The following PRTG variants were observed in gnomAD, a reference collection of about 807,000 sequenced individuals.
PRTG encodes protogenin, also known as immunoglobulin superfamily, DCC subclass, member 5.
PRTG carries 67 observed loss-of-function variants against 122.5 expected under a neutral mutation model. That is an observed-to-expected ratio of 0.55 (90% CI 0.45 to 0.67). The LOEUF is 0.67. PRTG is among the 30% of genes least tolerant of loss of function. The probability of loss-of-function intolerance (pLI) is 0.00; values close to 1 mark genes in which losing one functional copy is unlikely to be tolerated. For missense variants in PRTG, 1,435 were observed against 1,415.4 expected (o/e 1.01, Z -0.22); for synonymous variants, 554 against 501.1 (o/e 1.11, Z -1.41).
At chr15:55,691,093 G>A (rs887791909) in intron 2 of PRTG, among the ~76,000 whole-genome samples, 2 of 151,970 alleles carry the variant, frequency 1.3e-5, no homozygotes, top group Admixed American at 1.3e-4. Context: ...TCAGGAGTTC[G>A]AGACCAACCT....
intron 2 of PRTG, among the ~76,000 whole-genome samples, chr15:55,712,760 G>C (rs1221048688): frequency 2.6e-5 from 4 of 152,096 alleles, no homozygotes; most frequent in Admixed American, 2.6e-4. Context: ...TTATTTTCAA[G>C]ATTTGGGAGA....
intron 18 of PRTG, among the ~76,000 whole-genome samples, chr15:55,622,560 TTTTTA>T (rs1233281529): frequency 9.3e-5 from 1 of 10,728 alleles, no homozygotes; most frequent in African/African-American, 1.2e-4. Context: ...ATTTTTTTTT[TTTTTA>T]AATTTTTAGT....
chr15:55,684,628 T>A (rs371014229), intron 2 of PRTG, among the ~76,000 whole-genome samples: 3 of 152,210 alleles, frequency 2.0e-5, no homozygotes, highest in African/African-American at 7.2e-5. Flanking sequence ...CTAATCAGGA[T>A]GGATAGAATA....
intron 1 of PRTG, 119 bp downstream of exon 1, chr15:55,742,719 G>T: frequency 8.1e-7 from 1 of 1,241,956 alleles, no homozygotes; most frequent in Non-Finnish European, 1.1e-6. Flanking sequence ...GGGGGTCAGC[G>T]CCACCACGGA....
chr15:55,646,913 C>T (rs755314836), intron 11 of PRTG, among the ~76,000 whole-genome samples: 13 of 152,276 alleles, frequency 8.5e-5, no homozygotes, highest in Non-Finnish European at 1.5e-4. Flanking sequence ...TCCATCTTCT[C>T]CCTGCTGTCC....
At chr15:55,728,554 CT>C (rs2031120235) in intron 2 of PRTG, among the ~76,000 whole-genome samples, 1 of 152,056 alleles carries the variant, frequency 6.6e-6, no homozygotes. Flanking sequence ...TCCAATACAC[CT>C]TCATAATATA....
chr15:55,656,347 G>T (rs957539921), intron 11 of PRTG: 1 of 455,554 alleles, frequency 2.2e-6, no homozygotes, highest in Non-Finnish European at 4.4e-6. Context: ...TTCATTATTA[G>T]ATTCGGGCTA....
At chr15:55,652,897 C>T (rs1240781535) in intron 11 of PRTG, among the ~76,000 whole-genome samples, 1 of 151,460 alleles carries the variant, frequency 6.6e-6, no homozygotes, top group Admixed American at 6.6e-5. Context: ...GAATGGAAAA[C>T]GTTAATTCAT....
intron 8 of PRTG, among the ~76,000 whole-genome samples, chr15:55,676,271 AGTT>A: frequency 7.0e-6 from 1 of 142,408 alleles, no homozygotes; most frequent in Non-Finnish European, 1.5e-5. Flanking sequence ...TCCCACAGTG[AGTT>A]TTTTTTTTTA....
chr15:55,713,433 G>C (rs996544171), intron 2 of PRTG, among the ~76,000 whole-genome samples: 3 of 152,148 alleles, frequency 2.0e-5, no homozygotes, highest in Admixed American at 2.0e-4. Flanking sequence ...ATTCTTATAT[G>C]CATCTGCTTA....
At chr15:55,716,370 G>A (rs1370658162) in intron 2 of PRTG, among the ~76,000 whole-genome samples, 1 of 152,046 alleles carries the variant, frequency 6.6e-6, no homozygotes, top group Non-Finnish European at 1.5e-5. Flanking sequence ...ACAATCCATG[G>A]GCTGAAGAAT....
chr15:55,742,182 G>C (rs1370775038), intron 1 of PRTG: 1 of 152,246 alleles, frequency 6.6e-6, no homozygotes, highest in Non-Finnish European at 1.5e-5. Flanking sequence ...TTTCAGCTTC[G>C]GGGACTTTTC....
rs79122795 is a variant in PRTG, at chr15:55,722,033, T to C, written c.397+18349A>G. 5.7e-4 allele frequency among the ~76,000 whole-genome samples: 87 copies of C among 152,224 alleles called. No homozygotes were observed. In the East Asian group the frequency reaches 0.016, roughly 28 times the overall value. On this transcript the variant is annotated intron_variant, in intron 2 of 19. Coordinates refer to ENST00000389286, the MANE Select transcript of PRTG (RefSeq NM_173814.6). ...CCCTAACTGCCCCTTCCCCCAGACT[T>C]GGAGATGCATGGAGAAGTATTTAGA...
chr15:55,640,008 A>G (rs913787299), intron 12 of PRTG, 180 bp from the exon 13 acceptor site: 9 of 967,442 alleles, frequency 9.3e-6, no homozygotes, highest in East Asian at 1.2e-4. Flanking sequence ...CGTGAGTTAT[A>G]TAAGAAGTCA....
At chr15:55,640,106 G>A (rs2059281312) in intron 12 of PRTG, 1 of 315,354 alleles carries the variant, frequency 3.2e-6, no homozygotes, top group Non-Finnish European at 4.6e-6. Flanking sequence ...TTCTGTGGCT[G>A]TCAGAGTGCA....
chr15:55,650,191 G>A (rs1232765068), intron 11 of PRTG, among the ~76,000 whole-genome samples: 3 of 152,178 alleles, frequency 2.0e-5, no homozygotes, highest in Non-Finnish European at 4.4e-5. Flanking sequence ...AAGCTGACAC[G>A]TTTGTCAGTG....
chr15:55,648,926 G>A (rs891144093), intron 11 of PRTG, among the ~76,000 whole-genome samples: 4 of 151,474 alleles, frequency 2.6e-5, no homozygotes, highest in South Asian at 2.1e-4. Flanking sequence ...GTGAAACCCC[G>A]TCTCTACTAA....
Position 55,682,425 on chromosome 15 carries a change from A to G in PRTG, c.615T>C (p.Cys205=). 6 of 1,606,628 alleles carry G rather than the reference A, an allele frequency of 3.7e-6. No individual in the cohort carries two copies. Among genetic ancestry groups the G allele is most frequent in the Non-Finnish European group, 5.1e-6 (6 of 1,175,548 alleles). Residue 205 remains cysteine, a synonymous_variant, in exon 4 of 20, where the codon TGT becomes TGC. Coordinates refer to ENST00000389286, the MANE Select transcript of PRTG (RefSeq NM_173814.6). ...GTCGGTGGGCTACAGTGGCAGCAAT[A>G]CAACGATAATTTCCAGAATCCCTTT... ...VSQRDSGNYR[C]IAATVAHRRK...
chr15:55,692,561 G>A (rs2059609640), intron 2 of PRTG, among the ~76,000 whole-genome samples: 1 of 152,098 alleles, frequency 6.6e-6, no homozygotes. Context: ...TGATCAGAAT[G>A]AGAAGACACT....
Sources: allele counts gnomAD v4.1 joint callset (sites outside exome capture counted in the v4.1 genomes callset), GRCh38; gene constraint gnomAD v4.1.1; transcripts MANE v1.5; gene names NCBI Gene and HGNC (gene_info 2026-07-23, HGNC 2026-07-21).